Variants in ELAPOR1 observed in about 807,000 individuals in gnomAD.
ELAPOR1 encodes endosome/lysosome-associated apoptosis and autophagy regulator 1.
ELAPOR1 carries 77 observed loss-of-function variants against 119.7 expected under a neutral mutation model. The ratio of observed to expected loss-of-function variants is 0.64; its 90% CI spans 0.54 to 0.78. The LOEUF is 0.78. Ranked by LOEUF, ELAPOR1 falls within the 30% of genes least tolerant of loss-of-function variation. The probability of loss-of-function intolerance (pLI) is 0.00; values close to 1 mark genes in which losing one functional copy is unlikely to be tolerated. For missense variants in ELAPOR1, 1,115 were observed against 1,270.4 expected (o/e 0.88, Z 1.86); for synonymous variants, 481 against 487.2 (o/e 0.99, Z 0.17).
chr1:109,126,693 A>G (rs562982919), intron 1 of ELAPOR1, among the ~76,000 whole-genome samples: 14 of 151,914 alleles, frequency 9.2e-5, no homozygotes, highest in African/African-American at 3.4e-4. Context: ...CTGTTCTCAA[A>G]CTCCTGACCT....
intron 21 of ELAPOR1, 69 bp from the exon 22 acceptor site, chr1:109,202,875 C>T (rs760305586): frequency 6.8e-7 from 1 of 1,462,072 alleles, no homozygotes; most frequent in East Asian, 2.3e-5. Flanking sequence ...ACCTATTTTC[C>T]ATTTCTCTCC....
chr1:109,116,261 G>C (rs1427311490), intron 1 of ELAPOR1, among the ~76,000 whole-genome samples: 1 of 152,214 alleles, frequency 6.6e-6, no homozygotes, highest in Non-Finnish European at 1.5e-5. Flanking sequence ...CAACCTACCA[G>C]GGTTTCAGTC....
At chr1:109,158,004 TG>T (rs1307769289) in intron 1 of ELAPOR1, among the ~76,000 whole-genome samples, 1 of 152,182 alleles carries the variant, frequency 6.6e-6, no homozygotes, top group Non-Finnish European at 1.5e-5. Context: ...CCTCCCACCT[TG>T]GCCTGCTGAG....
rs1434878883 is a variant in ELAPOR1 at position 109,199,899 on chromosome 1, G to C, written c.2547G>C (p.Leu849=). The change falls in exon 19 of 22, where the codon CTG becomes CTC. Residue 849 remains leucine (L), a synonymous_variant. Transcript: ENST00000369939. ...GTCDGCNFHF[L]WESAAACPLC... is the part of the protein sequence containing the mutation. The stretch of plus-strand genomic sequence containing the variant: ...GTGATGGCTGCAACTTCCACTTCCT[G>C]TGGGAGAGCGCGGCTGCTTGCCCGC... 1.2e-6 allele frequency: 2 copies of C among 1,613,626 alleles called. No homozygotes were observed. The highest frequency in any genetic ancestry group is 1.7e-6 in the Non-Finnish European group (2 of 1,180,044).
chr1:109,197,139 G>C (rs990378148), intron 15 of ELAPOR1, among the ~76,000 whole-genome samples: 7 of 132,692 alleles, frequency 5.3e-5, no homozygotes, highest in African/African-American at 2.1e-4. Flanking sequence ...CTATCTTTAC[G>C]AAAAAAAAAA....
chr1:109,197,552 A>C lies in ELAPOR1; in HGVS notation c.2200A>C (p.Ile734Leu). The change falls in exon 16 of 22, where the codon ATC (isoleucine) becomes CTC (leucine). Residue 734 changes from isoleucine (I) to leucine (L), a missense_variant. Coordinates refer to ENST00000369939, the MANE Select transcript of ELAPOR1 (RefSeq NM_020775.5). ...PEGESGFSKS[I>L]TAYVCQAVII... ...GGGTGAGTCAGGGTTCTCCAAATCT[A>C]TCACAGCCTACGTCTGCCAGGCAGT... 6.2e-7 allele frequency: 1 copy of C among 1,614,198 alleles called. No individual in the cohort carries two copies. Among genetic ancestry groups the C allele is most frequent in the Non-Finnish European group, 8.5e-7 (1 of 1,180,030 alleles).
At chr1:109,173,056 C>T (rs998808824) in intron 5 of ELAPOR1, among the ~76,000 whole-genome samples, 3 of 143,792 alleles carry the variant, frequency 2.1e-5, no homozygotes, top group Non-Finnish European at 4.5e-5. Context: ...GAGATCGAGC[C>T]ATTGCACTCC....
chr1:109,116,680 C>CTTCTGTTCT lies in ELAPOR1; in HGVS notation c.153+2346_153+2347insCTGTTCTTT, dbSNP rs777051377. On this transcript the variant is annotated intron_variant, in intron 1 of 21. Transcript: ENST00000369939. ...CAAGGTAGACCAGCTCTTCTCTGTT[C>CTTCTGTTCT]TTTTTTTTTTTTTTTTTTTTTGGTG... Among the ~76,000 whole-genome samples, 78 of 96,888 alleles carry CTTCTGTTCT rather than the reference C, an allele frequency of 8.1e-4. 1 individual carries two copies. The highest frequency in any genetic ancestry group is 2.8e-3 in the African/African-American group (75 of 26,624). 63.6% of individuals were successfully genotyped at this position (96,888 alleles called of 152,430 possible).
intron 1 of ELAPOR1, among the ~76,000 whole-genome samples, chr1:109,121,094 T>C (rs979331669): frequency 9.8e-5 from 15 of 152,346 alleles, no homozygotes; most frequent in African/African-American, 3.4e-4. Context: ...TACAAAATTT[T>C]GAAATTTTTG....
chr1:109,189,188 A>G lies in ELAPOR1; in HGVS notation c.1342A>G (p.Met448Val). ...TGGGATCAACTTCGAGTACAAGGGCATGACAGGTAATTGCCTCTCCCTGTG... is the reference window on the plus strand; with the variant it reads ...TGGGATCAACTTCGAGTACAAGGGCGTGACAGGTAATTGCCTCTCCCTGTG... ...LSGINFEYKG[M>V]TGWEVAGDHI... Residue 448 changes from methionine (M) to valine (V), a missense_variant, in exon 10 of 22, where the codon ATG becomes GTG. Physicochemically the swap from Met to Val is conservative, Grantham distance 21. Coordinates refer to ENST00000369939, the MANE Select transcript of ELAPOR1 (RefSeq NM_020775.5). 6.2e-7 allele frequency: 1 copy of G among 1,613,584 alleles called. No individual in the cohort carries two copies. Among genetic ancestry groups the G allele is most frequent in the East Asian group, 2.2e-5 (1 of 44,882 alleles).
intron 14 of ELAPOR1, among the ~76,000 whole-genome samples, chr1:109,193,138 G>C (rs902410199): frequency 6.6e-6 from 1 of 152,096 alleles, no homozygotes; most frequent in Non-Finnish European, 1.5e-5. Flanking sequence ...GTCTGGTCCA[G>C]AGGGTTATTT....
Position 109,173,458 on chromosome 1 carries a change from T to A in ELAPOR1, c.697-16T>A. Reference sequence around the variant, plus strand: ...TTTCTCTGTGATGAATGAATGCTCCTGTTTGTGGTTTTTAGGTGGAGCTAA... The same window carrying A: ...TTTCTCTGTGATGAATGAATGCTCCAGTTTGTGGTTTTTAGGTGGAGCTAA... On this transcript the variant is annotated splice_polypyrimidine_tract_variant and intron_variant, in intron 5 of 21. Coordinates refer to ENST00000369939, the MANE Select transcript of ELAPOR1 (RefSeq NM_020775.5). The A allele has an allele frequency of 6.2e-7, 1 of 1,605,806 alleles. No individual in the cohort carries two copies. Among genetic ancestry groups the A allele is most frequent in the Non-Finnish European group, 8.5e-7 (1 of 1,173,054 alleles).
intron 1 of ELAPOR1, among the ~76,000 whole-genome samples, chr1:109,159,488 T>G (rs1651110316): frequency 6.6e-6 from 1 of 152,202 alleles, no homozygotes; most frequent in Admixed American, 6.5e-5. Flanking sequence ...AGATTAGATA[T>G]TTTAACACCA....
At position 109,114,237 on chromosome 1, in the gene ELAPOR1, T is replaced by C. The variant is rs752231170; in HGVS notation, c.54T>C (p.Thr18=). Residue 18 remains threonine (T), a synonymous_variant, in exon 1 of 22, where the codon ACT becomes ACC. Transcript: ENST00000369939. Reference sequence around the variant, plus strand: ...TCTCCGCCAGAGTCAGGGGAAGAACTGAGAGGCGCATACCCCGGCTGTGGC... The same window carrying C: ...TCTCCGCCAGAGTCAGGGGAAGAACCGAGAGGCGCATACCCCGGCTGTGGC... ...HHLSARVRGR[T]ERRIPRLWRL... is the part of the protein sequence containing the mutation. 2 of 1,605,084 alleles carry C rather than the reference T, an allele frequency of 1.2e-6. No individual in the cohort carries two copies. The highest frequency in any genetic ancestry group is 2.2e-5 in the South Asian group (2 of 89,436).
chr1:109,178,998 G>T (rs1344106182), intron 7 of ELAPOR1, among the ~76,000 whole-genome samples: 4 of 151,200 alleles, frequency 2.6e-5, no homozygotes, highest in Admixed American at 1.3e-4. Flanking sequence ...GGCAAAAAAG[G>T]AAAATGGTTA....
At chr1:109,185,186 C>T (rs1652971690) in intron 8 of ELAPOR1, 53 bp downstream of exon 8, 3 of 1,380,662 alleles carry the variant, frequency 2.2e-6, no homozygotes, top group Admixed American at 1.7e-5. Flanking sequence ...GTCTCCCACT[C>T]CCTGAGGTTT....
chr1:109,189,269 A>G, intron 10 of ELAPOR1, 75 bp downstream of exon 10: 3 of 1,522,572 alleles, frequency 2.0e-6, no homozygotes, highest in Non-Finnish European at 2.7e-6. Flanking sequence ...ACATTTCTTC[A>G]TAATAGTGAT....
chr1:109,136,143 T>C (rs1649452133), intron 1 of ELAPOR1, among the ~76,000 whole-genome samples: 1 of 152,226 alleles, frequency 6.6e-6, no homozygotes, highest in African/African-American at 2.4e-5. Flanking sequence ...AGTTCATATG[T>C]ACCTTAGAGT....
intron 3 of ELAPOR1, among the ~76,000 whole-genome samples, chr1:109,169,119 C>T (rs1294308792): frequency 2.0e-5 from 3 of 152,082 alleles, no homozygotes; most frequent in Non-Finnish European, 4.4e-5. Context: ...TTTGGATGAG[C>T]TCATGTTATA....
Sources: gnomAD v4.1 joint callset for allele counts (sites outside exome capture counted in the v4.1 genomes callset) on GRCh38, gnomAD v4.1.1 for gene constraint, MANE v1.5 for transcripts, NCBI Gene and HGNC (gene_info 2026-07-23, HGNC 2026-07-21) for gene names.